The following MPZL1 variants were observed in gnomAD, a reference collection of about 807,000 sequenced individuals.
MPZL1 encodes the protein myelin protein zero like 1.
Under a neutral mutation model 29.3 loss-of-function variants are expected in MPZL1, and 16 were observed. The observed-to-expected ratio is 0.55, with a 90% confidence interval of 0.37 to 0.83. MPZL1 has a LOEUF of 0.83. Ranked by LOEUF, MPZL1 falls within the 40% of genes least tolerant of loss-of-function variation. The pLI, the probability that MPZL1 is intolerant of heterozygous loss-of-function variation, is 0.00. For synonymous variants in MPZL1, 143 were observed against 132.0 expected, an observed-to-expected ratio of 1.08 and a Z score of -0.57; for missense variants, 279 against 332.9, an observed-to-expected ratio of 0.84 and a Z score of 1.26.
intron 2 of MPZL1, among the ~76,000 whole-genome samples, chr1:167,767,793 T>C (rs1338652287): frequency 5.1e-5 from 1 of 19,608 alleles, no homozygotes; most frequent in Non-Finnish European, 1.1e-4. Flanking sequence ...CCTTTTCTGC[T>C]TTTTTTTTTT....
At chr1:167,726,507 G>A (rs1298324043) in intron 1 of MPZL1, among the ~76,000 whole-genome samples, 2 of 152,172 alleles carry the variant, frequency 1.3e-5, no homozygotes, top group Non-Finnish European at 2.9e-5. Context: ...GGCATGTCTT[G>A]ACAACAGTTT....
At position 167,789,848 on chromosome 1, in the gene MPZL1, A is replaced by G. The variant is rs1661671377; in HGVS notation, c.*1927A>G. ...CTGAGACATTTCCACAAAGTGGTCAACTCTGCCTTGCATCCTAAAACTTTT... is the reference window on the plus strand; with the variant it reads ...CTGAGACATTTCCACAAAGTGGTCAGCTCTGCCTTGCATCCTAAAACTTTT... On this transcript the variant is annotated 3_prime_UTR_variant, in exon 6 of 6. Coordinates refer to ENST00000359523, the MANE Select transcript of MPZL1 (RefSeq NM_003953.6). The G allele has an allele frequency of 6.6e-6, 1 of 152,220 alleles. No individual in the cohort carries two copies. Among genetic ancestry groups the G allele is most frequent in the Non-Finnish European group, 1.5e-5 (1 of 68,050 alleles). The allele number at this position is 152,220 out of a possible 1,614,324, so 9.4% of individuals were successfully genotyped here.
At chr1:167,753,666 C>G (rs1422395357) in intron 1 of MPZL1, among the ~76,000 whole-genome samples, 1 of 151,906 alleles carries the variant, frequency 6.6e-6, no homozygotes, top group East Asian at 1.9e-4. Context: ...CGCTCTGTCA[C>G]CCAGGCTGGA....
At position 167,791,075 on chromosome 1, in the gene MPZL1, C is replaced by G. The variant is rs1661702709; in HGVS notation, c.*3154C>G. ...AGACCTTCTGTGATATATAAAAGAG[C>G]AAGCCCCCCACCCCACCGCCTCAGC... On this transcript the variant is annotated 3_prime_UTR_variant, in exon 6 of 6. Coordinates refer to ENST00000359523, the MANE Select transcript of MPZL1 (RefSeq NM_003953.6). The G allele has an allele frequency of 6.6e-6, 1 of 152,160 alleles. No homozygotes were observed. Among genetic ancestry groups the G allele is most frequent in the South Asian group, 2.1e-4 (1 of 4,826 alleles). 9.4% of individuals were successfully genotyped at this position (152,160 alleles called of 1,614,324 possible). A position where few individuals can be genotyped will look rare whatever the true frequency, so the allele number is the denominator to read the frequency against.
chr1:167,722,787 G>A (rs1283029966), intron 1 of MPZL1, among the ~76,000 whole-genome samples: 1 of 152,168 alleles, frequency 6.6e-6, no homozygotes. Context: ...CGTAATAAAA[G>A]AGTCTCATTT....
At chr1:167,786,300 T>C (rs1020403271) in intron 5 of MPZL1, among the ~76,000 whole-genome samples, 1 of 152,252 alleles carries the variant, frequency 6.6e-6, no homozygotes, top group Non-Finnish European at 1.5e-5. Flanking sequence ...TTTTAAAGTA[T>C]GTTTGTGTAA....
In MPZL1 at chr1:167,790,018, G is replaced by C. The variant is rs1318283496; in HGVS notation, c.*2097G>C. On this transcript the variant is annotated 3_prime_UTR_variant, in exon 6 of 6. Coordinates refer to ENST00000359523, the MANE Select transcript of MPZL1 (RefSeq NM_003953.6). Reference sequence around the variant, plus strand: ...GAAAACCACATAGCTGACCAGGGCTGTGCTTGAGGTACAGAGGACACACAT... The same window carrying C: ...GAAAACCACATAGCTGACCAGGGCTCTGCTTGAGGTACAGAGGACACACAT... 1 of 152,212 alleles carries C rather than the reference G, an allele frequency of 6.6e-6. No homozygotes were observed. Among genetic ancestry groups the C allele is most frequent in the East Asian group, 1.9e-4 (1 of 5,194 alleles). 9.4% of individuals were successfully genotyped at this position (152,212 alleles called of 1,614,324 possible).
At chr1:167,768,423 C>CA (rs926649230) in intron 2 of MPZL1, among the ~76,000 whole-genome samples, 3 of 151,704 alleles carry the variant, frequency 2.0e-5, no homozygotes, top group African/African-American at 7.3e-5. Context: ...CCTTAAAACT[C>CA]ACTACCCTTA....
In MPZL1 at chr1:167,765,731, G is replaced by A. The variant is rs750067905; in HGVS notation, c.240G>A (p.Gly80=). 3 of 1,610,920 alleles carry A rather than the reference G, an allele frequency of 1.9e-6. No individual in the cohort carries two copies. In the Admixed American group the frequency reaches 5.0e-5, roughly 27 times the overall value. ...TCTCCTGGAGCTTCCAGCCAGAGGG[G>A]GCCGACACTACTGTGTCGGTAAGAA... The part of the protein sequence containing the change: ...TSVSWSFQPE[G]ADTTVSFFHY... Residue 80 remains glycine, a synonymous_variant, in exon 2 of 6, where the codon GGG becomes GGA. Coordinates refer to ENST00000359523, the MANE Select transcript of MPZL1 (RefSeq NM_003953.6).
intron 1 of MPZL1, among the ~76,000 whole-genome samples, chr1:167,728,917 G>A (rs1160335164): frequency 1.3e-5 from 2 of 152,034 alleles, no homozygotes; most frequent in Admixed American, 1.3e-4. Context: ...TTTTCATACT[G>A]GGACCCTGAT....
At chr1:167,733,983 G>T (rs998691779) in intron 1 of MPZL1, among the ~76,000 whole-genome samples, 1 of 152,030 alleles carries the variant, frequency 6.6e-6, no homozygotes, top group South Asian at 2.1e-4. Flanking sequence ...TAGGCCGGGT[G>T]CGGTGGCTCA....
chr1:167,771,146 C>G (rs908580214), intron 2 of MPZL1, among the ~76,000 whole-genome samples: 1 of 151,974 alleles, frequency 6.6e-6, no homozygotes, highest in Admixed American at 6.6e-5. Flanking sequence ...TGCGGCCTTC[C>G]GCAGTGTTTG....
chr1:167,783,811 C>A (rs1661539596), intron 5 of MPZL1, among the ~76,000 whole-genome samples: 1 of 151,964 alleles, frequency 6.6e-6, no homozygotes. Flanking sequence ...AGTCATAATA[C>A]ATAGCTGTGT....
chr1:167,775,826 A>G (rs1661354531), intron 4 of MPZL1, among the ~76,000 whole-genome samples: 2 of 152,188 alleles, frequency 1.3e-5, no homozygotes, highest in Non-Finnish European at 2.9e-5. Flanking sequence ...AGGTTGTACC[A>G]TATTTGTTTC....
chr1:167,725,046 A>G (rs920847615), intron 1 of MPZL1, among the ~76,000 whole-genome samples: 8 of 152,334 alleles, frequency 5.3e-5, no homozygotes, highest in African/African-American at 1.9e-4. Flanking sequence ...GTATATGAGG[A>G]CTAAATCTCA....
At chr1:167,786,115 T>A (rs938846199) in intron 5 of MPZL1, among the ~76,000 whole-genome samples, 5 of 152,214 alleles carry the variant, frequency 3.3e-5, no homozygotes, top group African/African-American at 1.2e-4. Flanking sequence ...TTTAACTTCC[T>A]TTTGTTTTTT....
chr1:167,734,280 T>G (rs974250762), intron 1 of MPZL1, among the ~76,000 whole-genome samples: 1 of 151,430 alleles, frequency 6.6e-6, no homozygotes, highest in African/African-American at 2.4e-5. Flanking sequence ...ATAAACCCAC[T>G]GTAACACTCC....
intron 1 of MPZL1, among the ~76,000 whole-genome samples, chr1:167,759,524 G>T (rs1353628521): frequency 6.6e-6 from 1 of 152,170 alleles, no homozygotes; most frequent in Non-Finnish European, 1.5e-5. Flanking sequence ...ACCCACACAG[G>T]AGAACACTTC....
At chr1:167,733,622 G>A (rs1222931528) in intron 1 of MPZL1, among the ~76,000 whole-genome samples, 1 of 152,102 alleles carries the variant, frequency 6.6e-6, no homozygotes, top group Non-Finnish European at 1.5e-5. Context: ...ATGCGTGCCT[G>A]TAATCCCAGC....
Sources: allele counts gnomAD v4.1 joint callset (sites outside exome capture counted in the v4.1 genomes callset), GRCh38; gene constraint gnomAD v4.1.1; transcripts MANE v1.5; gene names NCBI Gene and HGNC (gene_info 2026-07-23, HGNC 2026-07-21).